PRRX2: variants seen among roughly 807,000 people sequenced by gnomAD.
PRRX2 encodes the protein paired mesoderm homeobox protein 2.
Under a neutral mutation model 18.0 loss-of-function variants are expected in PRRX2, and 11 were observed. That is an observed-to-expected ratio of 0.61 (90% CI 0.39 to 1.01). PRRX2 has a LOEUF of 1.01. PRRX2 is among the 50% of genes least tolerant of loss of function. PRRX2 has a pLI of 0.01. For synonymous variants in PRRX2, 177 were observed against 154.8 expected (o/e 1.14, Z -1.06); for missense variants, 387 against 351.0 (o/e 1.10, Z -0.82).
chr9:129,706,193 C>T (rs1238839447), intron 1 of PRRX2, among the ~76,000 whole-genome samples: 1 of 152,208 alleles, frequency 6.6e-6, no homozygotes, highest in Non-Finnish European at 1.5e-5. Flanking sequence ...CACCTATAAT[C>T]CCAGTGCTTT....
At position 129,695,659 on chromosome 9, in the gene PRRX2, C is replaced by T. The variant is rs1224050927; in HGVS notation, c.260-23572C>T. Among the ~76,000 whole-genome samples, 2 of 152,248 alleles carry T rather than the reference C, an allele frequency of 1.3e-5. No homozygotes were observed. The highest frequency in any genetic ancestry group is 4.8e-5 in the African/African-American group (2 of 41,460). On this transcript the variant is annotated intron_variant, in intron 1 of 3. Coordinates refer to ENST00000372469, the MANE Select transcript of PRRX2 (RefSeq NM_016307.4). This position sits in a 1 kb window ranked among gnomAD's most constrained non-coding sequence, Gnocchi z 4.8. ...GGCCCCCGCCACCCCAAACCTTTAACAGGAGACTTGGCTGGGAAGTCAAAA... is the reference window on the plus strand; with the variant it reads ...GGCCCCCGCCACCCCAAACCTTTAATAGGAGACTTGGCTGGGAAGTCAAAA...
At chr9:129,682,083 C>T (rs1005767016) in intron 1 of PRRX2, among the ~76,000 whole-genome samples, 3 of 152,070 alleles carry the variant, frequency 2.0e-5, no homozygotes, top group African/African-American at 7.2e-5. Context: ...GGCCAAATGC[C>T]CGTGGCCTCC....
At chr9:129,681,214 C>T (rs1180430591) in intron 1 of PRRX2, among the ~76,000 whole-genome samples, 1 of 152,254 alleles carries the variant, frequency 6.6e-6, no homozygotes, top group Non-Finnish European at 1.5e-5. Flanking sequence ...GAGGTCCAAG[C>T]AGGCATCAGA....
intron 1 of PRRX2, among the ~76,000 whole-genome samples, chr9:129,698,908 G>T (rs1399008109): frequency 6.6e-6 from 1 of 152,212 alleles, no homozygotes; most frequent in African/African-American, 2.4e-5. Flanking sequence ...AAGGTGGTTC[G>T]TTCCTAAACT....
chr9:129,670,048 T>C (rs1448769921), intron 1 of PRRX2, among the ~76,000 whole-genome samples: 2 of 146,466 alleles, frequency 1.4e-5, no homozygotes, highest in Non-Finnish European at 3.0e-5. Context: ...CTCTGTGGAT[T>C]TGACTACCCT....
At chr9:129,688,597 A>G (rs1832321809) in intron 1 of PRRX2, among the ~76,000 whole-genome samples, 1 of 152,144 alleles carries the variant, frequency 6.6e-6, no homozygotes, top group South Asian at 2.1e-4. Flanking sequence ...TCTGAAGGAG[A>G]ACAGCCAGGA....
intron 1 of PRRX2, among the ~76,000 whole-genome samples, chr9:129,684,427 A>AACACACACACGCAC (rs1832271113): frequency 1.2e-5 from 1 of 82,928 alleles, no homozygotes; most frequent in Non-Finnish European, 2.5e-5. Context: ...ACACAGATAC[A>AACACACACACGCAC]ACACACACAC....
chr9:129,688,954 G>A (rs888042427), intron 1 of PRRX2, among the ~76,000 whole-genome samples: 4 of 152,218 alleles, frequency 2.6e-5, no homozygotes, highest in African/African-American at 9.6e-5. Flanking sequence ...CTGTCCTGTT[G>A]CTGGAATCAT....
chr9:129,721,369 A>T (rs1832789565), intron 3 of PRRX2, among the ~76,000 whole-genome samples: 1 of 152,054 alleles, frequency 6.6e-6, no homozygotes, highest in Non-Finnish European at 1.5e-5. Flanking sequence ...GGTCGGCAGG[A>T]GGTGCTCGAG....
At chr9:129,696,542 C>T (rs1427829115) in intron 1 of PRRX2, among the ~76,000 whole-genome samples, 1 of 152,144 alleles carries the variant, frequency 6.6e-6, no homozygotes, top group Non-Finnish European at 1.5e-5. Context: ...CGCCGCTGCA[C>T]TCCAGCCTGC....
At chr9:129,697,346 C>G (rs1370407892) in intron 1 of PRRX2, among the ~76,000 whole-genome samples, 2 of 152,000 alleles carry the variant, frequency 1.3e-5, no homozygotes, top group Admixed American at 1.3e-4. Context: ...GCCGTGCCCC[C>G]TCCCGCCCGG....
chr9:129,666,023 C>G lies in PRRX2; in HGVS notation c.156C>G (p.Ala52=). The G allele has an allele frequency of 9.5e-7, 1 of 1,058,122 alleles. No individual in the cohort carries two copies. The highest frequency in any genetic ancestry group is 1.1e-6 in the Non-Finnish European group (1 of 880,794). 65.5% of individuals were successfully genotyped at this position (1,058,122 alleles called of 1,614,324 possible). A position where few individuals can be genotyped will look rare whatever the true frequency, so the allele number is the denominator to read the frequency against. The change falls in exon 1 of 4, where the codon GCC becomes GCG. Residue 52 remains alanine (A), a synonymous_variant. Transcript: ENST00000372469. ...HLLDLEEVAA[A]GRLAARPGAR... ...TGGACCTGGAAGAGGTGGCGGCGGCCGGGCGGCTGGCGGCGCGCCCCGGGG... is the reference window on the plus strand; with the variant it reads ...TGGACCTGGAAGAGGTGGCGGCGGCGGGGCGGCTGGCGGCGCGCCCCGGGG...
intron 1 of PRRX2, among the ~76,000 whole-genome samples, chr9:129,694,041 C>G (rs1374379735): frequency 1.3e-5 from 2 of 152,160 alleles, no homozygotes; most frequent in Non-Finnish European, 1.5e-5. Flanking sequence ...AGCTCATCCA[C>G]CAGAGACCCT....
intron 1 of PRRX2, among the ~76,000 whole-genome samples, chr9:129,714,534 G>A (rs763222274): frequency 7.2e-5 from 11 of 152,178 alleles, no homozygotes; most frequent in Non-Finnish European, 1.0e-4. Context: ...CTGGCTGAGC[G>A]CATCCCATCA....
At chr9:129,676,512 C>T (rs1229649007) in intron 1 of PRRX2, among the ~76,000 whole-genome samples, 1 of 152,072 alleles carries the variant, frequency 6.6e-6, no homozygotes, top group Non-Finnish European at 1.5e-5. Flanking sequence ...AGTGACTTGC[C>T]CAAGGTCACA....
chr9:129,674,694 C>T (rs1035662778), intron 1 of PRRX2, among the ~76,000 whole-genome samples: 18 of 152,126 alleles, frequency 1.2e-4, no homozygotes, highest in African/African-American at 4.3e-4. Context: ...CACTGCTGCC[C>T]AAGACGCAGT....
chr9:129,678,183 CGAACTCCTGGCCTCA>C, intron 1 of PRRX2, among the ~76,000 whole-genome samples: 1 of 152,030 alleles, frequency 6.6e-6, no homozygotes, highest in East Asian at 1.9e-4. Flanking sequence ...AGGCTGGTCT[CGAACTCCTGGCCTCA>C]GGTGATCCGC....
At chr9:129,720,308 G>A (rs991275412) in intron 2 of PRRX2, among the ~76,000 whole-genome samples, 1 of 147,360 alleles carries the variant, frequency 6.8e-6, no homozygotes, top group Non-Finnish European at 1.5e-5. Flanking sequence ...GCCTTTCCCC[G>A]CGAGTGCTCA....
Position 129,715,752 on chromosome 9 carries a change from A to T in PRRX2, c.260-3479A>T, listed in dbSNP as rs79511052. ...ACCCAGCTTCAGGGACATCTTTCTC[A>T]CACACACACACACACACACACACAC... is the stretch of plus-strand genomic sequence containing the variant. On this transcript the variant is annotated intron_variant, in intron 1 of 3. Coordinates refer to ENST00000372469, the MANE Select transcript of PRRX2 (RefSeq NM_016307.4). This position sits in a 1 kb window ranked among gnomAD's most constrained non-coding sequence, Gnocchi z 4.0. Among the ~76,000 whole-genome samples, 8,745 of 43,774 alleles carry T rather than the reference A, an allele frequency of 0.2. 310 individuals are homozygous for T. The highest frequency in any genetic ancestry group is 0.27 in the African/African-American group (3,906 of 14,450). 28.7% of individuals were successfully genotyped at this position (43,774 alleles called of 152,430 possible).
Sources: gnomAD v4.1 joint callset for allele counts (sites outside exome capture counted in the v4.1 genomes callset) on GRCh38, gnomAD v4.1.1 for gene constraint, Gnocchi (gnomAD v3.1) non-coding constraint, MANE v1.5 for transcripts, NCBI Gene and HGNC (gene_info 2026-07-23, HGNC 2026-07-21) for gene names.